ALDH1L1: variants seen among roughly 807,000 people sequenced by gnomAD.
The protein encoded by ALDH1L1 is aldehyde dehydrogenase 1 family member L1.
ALDH1L1 carries 68 observed loss-of-function variants against 101.1 expected under a neutral mutation model. That is an observed-to-expected ratio of 0.67 (90% CI 0.55 to 0.82). The LOEUF (loss-of-function observed/expected upper bound fraction) is 0.82. Ranked by LOEUF, ALDH1L1 falls within the 40% of genes least tolerant of loss-of-function variation. The pLI is 0.00. For missense variants in ALDH1L1, 1,087 were observed against 1,172.7 expected (o/e 0.93, Z 1.07); for synonymous variants, 486 against 470.8 (o/e 1.03, Z -0.42).
chr3:126,150,331 G>C, intron 8 of ALDH1L1, 75 bp downstream of exon 8: 1 of 1,518,242 alleles, frequency 6.6e-7, no homozygotes, highest in Non-Finnish European at 8.9e-7. Context: ...CCAACTCTGG[G>C]GAGTGTGATT....
intron 12 of ALDH1L1, among the ~76,000 whole-genome samples, chr3:126,132,930 C>T (rs1266408816): frequency 6.6e-6 from 1 of 152,218 alleles, no homozygotes; most frequent in Non-Finnish European, 1.5e-5. Context: ...ACCAACTGAG[C>T]GAGGCCACCC....
chr3:126,110,333 A>G (rs1053386279), intron 19 of ALDH1L1: 1 of 593,858 alleles, frequency 1.7e-6, no homozygotes, highest in African/African-American at 1.9e-5. Flanking sequence ...GGAGCCCAGC[A>G]ACATATGGGC....
chr3:126,132,935 C>T (rs1196830543), intron 12 of ALDH1L1, among the ~76,000 whole-genome samples: 1 of 152,212 alleles, frequency 6.6e-6, no homozygotes, highest in Non-Finnish European at 1.5e-5. Flanking sequence ...CTGAGCGAGG[C>T]CACCCTGGGC....
intron 19 of ALDH1L1, 56 bp downstream of exon 19, chr3:126,112,726 C>G: frequency 6.8e-7 from 1 of 1,473,846 alleles, no homozygotes; most frequent in Non-Finnish European, 9.3e-7. Flanking sequence ...CCCCCTCCAG[C>G]CAGGCGCTGC....
intron 1 of ALDH1L1, among the ~76,000 whole-genome samples, chr3:126,192,129 A>C (rs1407088169): frequency 6.6e-6 from 1 of 152,176 alleles, no homozygotes; most frequent in Admixed American, 6.5e-5. Flanking sequence ...CAAGTGTTAG[A>C]GTTTGGAACC....
intron 1 of ALDH1L1, among the ~76,000 whole-genome samples, chr3:126,191,923 G>A (rs147743779): frequency 1.3e-5 from 2 of 152,316 alleles, no homozygotes; most frequent in East Asian, 3.9e-4. Context: ...AGGTTGTCAA[G>A]TCCTGGTGTA....
rs190856526 is a variant in ALDH1L1, at chr3:126,135,749, G to A, written c.1345-87C>T. The A allele has an allele frequency of 2.2e-5, 31 of 1,423,500 alleles. No individual in the cohort carries two copies. The African/African-American group carries it at 3.8e-4, about 18-fold the overall frequency. 88.2% of individuals were successfully genotyped at this position (1,423,500 alleles called of 1,614,324 possible). A position where few individuals can be genotyped will look rare whatever the true frequency, so the allele number is the denominator to read the frequency against. On this transcript the variant is annotated intron_variant, in intron 11 of 22. Transcript: ENST00000393434. ...CCTGCTTCCCTGGCCTCCTCCTGGG[G>A]CCCCAGTGAGGCGGCCCCTGTCCAC...
chr3:126,193,718 C>T (rs1287456663), intron 1 of ALDH1L1, among the ~76,000 whole-genome samples: 2 of 152,188 alleles, frequency 1.3e-5, no homozygotes, highest in African/African-American at 2.4e-5. Flanking sequence ...AGGTGCATAG[C>T]ACTGATAACT....
intron 12 of ALDH1L1, among the ~76,000 whole-genome samples, chr3:126,133,918 G>C (rs752435557): frequency 1.3e-5 from 2 of 152,180 alleles, no homozygotes; most frequent in Non-Finnish European, 2.9e-5. Flanking sequence ...TTGGCAGCTG[G>C]ATACGGCTGC....
intron 19 of ALDH1L1, among the ~76,000 whole-genome samples, chr3:126,111,759 T>C (rs991667619): frequency 1.6e-4 from 25 of 152,190 alleles, no homozygotes; most frequent in African/African-American, 5.8e-4. Flanking sequence ...TGTGTGGCGG[T>C]TGCTGGCTGT....
intron 1 of ALDH1L1, among the ~76,000 whole-genome samples, chr3:126,170,677 CT>C (rs2081255928): frequency 6.6e-6 from 1 of 152,188 alleles, no homozygotes; most frequent in African/African-American, 2.4e-5. Flanking sequence ...AACATGTCCC[CT>C]CTTGTCCTTT....
chr3:126,138,272 A>G (rs769620195), intron 9 of ALDH1L1, among the ~76,000 whole-genome samples: 4 of 151,862 alleles, frequency 2.6e-5, no homozygotes, highest in Non-Finnish European at 5.9e-5. Context: ...AAATACGACA[A>G]CCCATCTAAT....
At position 126,154,633 on chromosome 3, in the gene ALDH1L1, T is replaced by C. The variant is rs755364635; in HGVS notation, c.641A>G (p.Asp214Gly). Residue 214 changes from aspartate to glycine, a missense_variant, in exon 6 of 23, where the codon GAC becomes GGC. Around this residue, in one of 2 missense-constraint regions of ALDH1L1, gnomAD observed 645 missense variants for 637.0 expected, o/e 1.01. Coordinates refer to ENST00000393434, the MANE Select transcript of ALDH1L1 (RefSeq NM_012190.4). ...QKKETAKINW[D>G]QPAEAIHNWI... is the part of the protein sequence containing the mutation. ...GTTGTGAATGGCCTCTGCCGGCTGG[T>C]CCCAGTTGATCTGTGGGGAGCAAGG... 79 of 1,613,920 alleles carry C rather than the reference T, an allele frequency of 4.9e-5. No individual in the cohort carries two copies. Among genetic ancestry groups the C allele is most frequent in the Non-Finnish European group, 6.2e-5 (73 of 1,180,002 alleles).
At chr3:126,174,772 G>T (rs1576497438) in intron 1 of ALDH1L1, among the ~76,000 whole-genome samples, 1 of 152,074 alleles carries the variant, frequency 6.6e-6, no homozygotes, top group African/African-American at 2.4e-5. Flanking sequence ...GGGAAATTTA[G>T]AGCACTGAAT....
intron 17 of ALDH1L1, among the ~76,000 whole-genome samples, chr3:126,116,082 A>C (rs1465752987): frequency 1.3e-5 from 2 of 148,292 alleles, no homozygotes; most frequent in African/African-American, 5.0e-5. Context: ...GGGTTTCACC[A>C]TGTTGGCCAG....
intron 17 of ALDH1L1, chr3:126,115,039 C>A (rs1010776158): frequency 2.2e-6 from 1 of 456,632 alleles, no homozygotes; most frequent in Non-Finnish European, 4.4e-6. Flanking sequence ...ACCCCACCTG[C>A]AGAGCATGAG....
chr3:126,173,700 C>T (rs994145700), intron 1 of ALDH1L1, among the ~76,000 whole-genome samples: 1 of 152,084 alleles, frequency 6.6e-6, no homozygotes, highest in African/African-American at 2.4e-5. Flanking sequence ...TATATGTTGT[C>T]TACAACAAAC....
intron 16 of ALDH1L1, among the ~76,000 whole-genome samples, chr3:126,120,154 C>A (rs78067213): frequency 6.6e-6 from 1 of 152,360 alleles, no homozygotes; most frequent in South Asian, 2.1e-4. Flanking sequence ...TGAAAACTTA[C>A]GTCCACACCA....
chr3:126,112,701 T>A (rs1341942245), intron 19 of ALDH1L1, 81 bp downstream of exon 19: 3 of 1,375,414 alleles, frequency 2.2e-6, no homozygotes, highest in Admixed American at 1.7e-5. Context: ...CCCTGCCCTG[T>A]CTCCCCTCCT....
Sources: allele counts gnomAD v4.1 joint callset (sites outside exome capture counted in the v4.1 genomes callset), GRCh38; gene constraint gnomAD v4.1.1; regional missense constraint gnomAD v4.1.1; transcripts MANE v1.5; gene names NCBI Gene and HGNC (gene_info 2026-07-23, HGNC 2026-07-21).